ZC3H7A: variants seen among roughly 807,000 people sequenced by gnomAD.
The protein encoded by ZC3H7A is zinc finger CCCH domain-containing protein 7A.
In ZC3H7A, 44 loss-of-function variants were observed where a neutral mutation model predicts 125.5. The observed-to-expected ratio is 0.35, with a 90% CI of 0.28 to 0.45. The LOEUF (loss-of-function observed/expected upper bound fraction) is 0.45, where lower values mean the gene tolerates loss of function less well. Ranked by LOEUF, ZC3H7A falls within the 20% of genes least tolerant of loss-of-function variation. The pLI, the probability that ZC3H7A is intolerant of heterozygous loss-of-function variation, is 1.00. For synonymous variants in ZC3H7A, 399 were observed against 391.2 expected (o/e 1.02, Z -0.23); for missense variants, 977 against 1,170.7 (o/e 0.83, Z 2.41).
At chr16:11,756,476 C>A (rs2052651144) in intron 20 of ZC3H7A, 106 bp from the exon 21 acceptor site, 3 of 1,415,906 alleles carry the variant, frequency 2.1e-6, no homozygotes, top group Non-Finnish European at 1.9e-6. Flanking sequence ...AAAAGAAACT[C>A]AAGGGGGCTG....
rs752702153 is a variant in ZC3H7A at position 11,781,426 on chromosome 16, G to A, written c.107C>T (p.Ala36Val). ...LSYPGTQEQY[A>V]VYLRALVRNL... ...AGCAGACCTTCCCGGAGTCATTACC[G>A]CATATTGCTCCTGTGTTCCTGGATA... The change falls in exon 3 of 23, where the codon GCG becomes GTG. Residue 36 changes from alanine to valine, a missense_variant and splice_region_variant. Physicochemically the swap from Ala to Val is moderately conservative, Grantham distance 64. Coordinates refer to ENST00000355758, the MANE Select transcript of ZC3H7A (RefSeq NM_014153.4). 1 of 1,605,506 alleles carries A rather than the reference G, an allele frequency of 6.2e-7. No individual in the cohort carries two copies.
chr16:11,757,498 A>T (rs2052671955), intron 20 of ZC3H7A, among the ~76,000 whole-genome samples: 1 of 151,738 alleles, frequency 6.6e-6, no homozygotes, highest in Admixed American at 6.6e-5. Flanking sequence ...AAAAAAAAAA[A>T]AAAAAAAAAA....
chr16:11,793,109 A>G (rs1341354653), intron 1 of ZC3H7A, among the ~76,000 whole-genome samples: 4 of 152,194 alleles, frequency 2.6e-5, no homozygotes, highest in Non-Finnish European at 4.4e-5. Flanking sequence ...TTTAAATACA[A>G]ATAATATTAA....
chr16:11,773,821 T>C (rs1250505397), intron 9 of ZC3H7A, among the ~76,000 whole-genome samples: 3 of 151,844 alleles, frequency 2.0e-5, no homozygotes, highest in Non-Finnish European at 2.9e-5. Flanking sequence ...AGGCGGAGCT[T>C]ACAGTGAGCC....
chr16:11,766,431 G>A (rs567438677), intron 13 of ZC3H7A, among the ~76,000 whole-genome samples: 2 of 152,248 alleles, frequency 1.3e-5, no homozygotes, highest in South Asian at 2.1e-4. Flanking sequence ...GAGGCAGGGC[G>A]GCACACGCCT....
chr16:11,783,195 T>C (rs2053201526), intron 1 of ZC3H7A, among the ~76,000 whole-genome samples: 1 of 152,182 alleles, frequency 6.6e-6, no homozygotes, highest in Non-Finnish European at 1.5e-5. Flanking sequence ...ACATATTTTG[T>C]CCCACAAACT....
At chr16:11,780,335 G>A (rs1176360831) in intron 3 of ZC3H7A, among the ~76,000 whole-genome samples, 1 of 151,938 alleles carries the variant, frequency 6.6e-6, no homozygotes, top group African/African-American at 2.4e-5. Context: ...TGCCCAGGCT[G>A]GTCTCAAACT....
In ZC3H7A at chr16:11,768,517, G is replaced by C; in HGVS notation, c.1174-16C>G. On this transcript the variant is annotated splice_polypyrimidine_tract_variant and intron_variant, in intron 11 of 22. Transcript: ENST00000355758. The stretch of plus-strand genomic sequence containing the variant: ...GTCCATTCATCTGCAAGAAAAATAA[G>C]AAGAAAAAAAAAAAAAACAGCCAAC... The C allele has an allele frequency of 3.8e-6, 4 of 1,048,710 alleles. No homozygotes were observed. Among genetic ancestry groups the C allele is most frequent in the Admixed American group, 6.1e-5 (1 of 16,452 alleles). The allele number at this position is 1,048,710 out of a possible 1,614,324, so 65.0% of individuals were successfully genotyped here.
chr16:11,781,346 C>A, intron 3 of ZC3H7A, 79 bp downstream of exon 3: 3 of 1,429,902 alleles, frequency 2.1e-6, no homozygotes. Context: ...ACAAGGCCAT[C>A]ATTTGCCAAC....
intron 1 of ZC3H7A, among the ~76,000 whole-genome samples, chr16:11,793,672 T>C (rs2053388043): frequency 6.6e-6 from 1 of 152,166 alleles, no homozygotes; most frequent in Non-Finnish European, 1.5e-5. Flanking sequence ...TTGTCATCCT[T>C]AATTGGCAAC....
chr16:11,790,701 G>A (rs541165026), intron 1 of ZC3H7A, among the ~76,000 whole-genome samples: 24 of 151,814 alleles, frequency 1.6e-4, no homozygotes, highest in African/African-American at 4.1e-4. Context: ...CAAAACGCCC[G>A]GCTAATTTTG....
rs538110152 is a variant in ZC3H7A, at chr16:11,794,498, TTAAG to T, written c.-35+2622_-35+2625del. ...TCTTGATTTGCCAACACCTCACACT[TTAAG>T]TAATTTTCATAAGGATTCTGGAGAA... On this transcript the variant is annotated intron_variant, in intron 1 of 22. Coordinates refer to ENST00000355758, the MANE Select transcript of ZC3H7A (RefSeq NM_014153.4). 2.4e-3 allele frequency among the ~76,000 whole-genome samples: 364 copies of T among 152,230 alleles called. 2 individuals are homozygous for T. The highest frequency in any genetic ancestry group is 1.1e-3 in the Non-Finnish European group (73 of 68,010).
chr16:11,752,313 C>G (rs2052566964), intron 22 of ZC3H7A, among the ~76,000 whole-genome samples: 1 of 152,198 alleles, frequency 6.6e-6, no homozygotes, highest in Non-Finnish European at 1.5e-5. Flanking sequence ...CATTTCAAAT[C>G]TGATGAACAT....
chr16:11,774,043 T>C (rs780476128), intron 9 of ZC3H7A, among the ~76,000 whole-genome samples, 193 bp downstream of exon 9: 7 of 152,230 alleles, frequency 4.6e-5, no homozygotes, highest in Middle Eastern at 3.4e-3. Context: ...AATTACTAGA[T>C]AGCATTCTTT....
chr16:11,760,122 G>GAAAAAAAAAAAAAAAAAAAAAAAAAAA (rs66812605), intron 19 of ZC3H7A, among the ~76,000 whole-genome samples: 1 of 82,532 alleles, frequency 1.2e-5, no homozygotes, highest in Non-Finnish European at 2.1e-5. Context: ...AAGAAAAAAT[G>GAAAAAAAAAAAAAAAAAAAAAAAAAAA]AAAAAAAAAA....
At position 11,757,961 on chromosome 16, in the gene ZC3H7A, A is replaced by G. The variant is rs1049952021; in HGVS notation, c.2428+470T>C. 4.6e-5 allele frequency among the ~76,000 whole-genome samples: 7 copies of G among 152,296 alleles called. No individual in the cohort carries two copies. In the Middle Eastern group the frequency reaches 0.014, roughly 296 times the overall value. The stretch of plus-strand genomic sequence containing the variant: ...TGCGGCTCCTCTCAAAGGCTCCCAC[A>G]ATAAACTTGGAATTTGACCAAAATA... On this transcript the variant is annotated intron_variant, in intron 20 of 22. Transcript: ENST00000355758.
At chr16:11,790,529 G>A (rs906044329) in intron 1 of ZC3H7A, among the ~76,000 whole-genome samples, 1 of 152,080 alleles carries the variant, frequency 6.6e-6, no homozygotes, top group African/African-American at 2.4e-5. Flanking sequence ...CAAAGGTGTT[G>A]TTGTCGTCGT....
chr16:11,791,576 G>A (rs539500317), intron 1 of ZC3H7A, among the ~76,000 whole-genome samples: 7 of 152,328 alleles, frequency 4.6e-5, no homozygotes, highest in Admixed American at 4.6e-4. Context: ...AACAAAGAAT[G>A]AAGTAAGCAG....
chr16:11,761,550 G>A (rs747635459), intron 18 of ZC3H7A, 39 bp from the exon 19 acceptor site: 11 of 1,603,330 alleles, frequency 6.9e-6, no homozygotes, highest in Middle Eastern at 1.7e-4. Context: ...AAAGACACAC[G>A]AGCAAAAGAC....
Sources: gnomAD v4.1 joint callset for allele counts (sites outside exome capture counted in the v4.1 genomes callset) on GRCh38, gnomAD v4.1.1 for gene constraint, MANE v1.5 for transcripts, NCBI Gene and HGNC (gene_info 2026-07-23, HGNC 2026-07-21) for gene names.